Variants in SYNE2 observed in about 807,000 individuals in gnomAD.
SYNE2 encodes the protein spectrin repeat containing nuclear envelope protein 2, also known as nesprin-2.
A neutral mutation model predicts 856.3 loss-of-function variants in SYNE2; 431 were observed. The observed-to-expected ratio is 0.50, with a 90% CI of 0.47 to 0.55. SYNE2 has a LOEUF of 0.55. SYNE2 is among the 20% of genes least tolerant of loss of function. The pLI is 0.00. For missense variants in SYNE2, 8,129 were observed against 8,023.2 expected (o/e 1.01, Z -0.50); for synonymous variants, 2,923 against 2,872.3 (o/e 1.02, Z -0.56).
chr14:64,097,743 A>T (rs1353708128), intron 61 of SYNE2, among the ~76,000 whole-genome samples: 1 of 152,238 alleles, frequency 6.6e-6, no homozygotes, highest in Non-Finnish European at 1.5e-5. Flanking sequence ...AGGCTGAGGC[A>T]TCCTATAGCT....
chr14:64,004,590 A>G (rs1026618647), intron 30 of SYNE2, among the ~76,000 whole-genome samples: 9 of 151,954 alleles, frequency 5.9e-5, no homozygotes, highest in Non-Finnish European at 8.8e-5. Context: ...TTAACCTCCC[A>G]AAGTGTTGGG....
intron 96 of SYNE2, among the ~76,000 whole-genome samples, chr14:64,182,962 C>T (rs898636533): frequency 1.4e-5 from 2 of 146,888 alleles, no homozygotes; most frequent in Admixed American, 1.3e-4. Flanking sequence ...AAGGGGCGGC[C>T]GGGCAGAGGC....
At chr14:63,832,680 G>A (rs921989330) in intron 1 of SYNE2, among the ~76,000 whole-genome samples, 1 of 151,908 alleles carries the variant, frequency 6.6e-6, no homozygotes, top group Non-Finnish European at 1.5e-5. Context: ...TTTTTAATAA[G>A]CCAGAGTTTA....
At chr14:64,133,950 A>G (rs1375756066) in intron 77 of SYNE2, 119 bp from the exon 78 acceptor site, 1 of 1,223,882 alleles carries the variant, frequency 8.2e-7, no homozygotes, top group Non-Finnish European at 1.2e-6. Flanking sequence ...CACACCTGGA[A>G]TCTGTGCTTT....
intron 2 of SYNE2, among the ~76,000 whole-genome samples, chr14:63,915,297 C>T (rs185380619): frequency 2.6e-5 from 4 of 152,240 alleles, no homozygotes; most frequent in Admixed American, 1.3e-4. Context: ...TAGGTGGACT[C>T]ATCTTGAGAA....
chr14:63,763,069 G>A (rs1340535755), intron 1 of SYNE2, among the ~76,000 whole-genome samples: 1 of 152,194 alleles, frequency 6.6e-6, no homozygotes, highest in African/African-American at 2.4e-5. Context: ...CCAGGTTCAA[G>A]AAATTCTCCT....
chr14:63,899,120 C>G (rs951883642), intron 1 of SYNE2, among the ~76,000 whole-genome samples: 2 of 152,110 alleles, frequency 1.3e-5, no homozygotes, highest in African/African-American at 4.8e-5. Flanking sequence ...TGGAATCAGA[C>G]AGCATTTGTG....
chr14:63,843,790 T>A (rs1595166553), intron 1 of SYNE2, among the ~76,000 whole-genome samples: 1 of 152,244 alleles, frequency 6.6e-6, no homozygotes, highest in East Asian at 1.9e-4. Flanking sequence ...TATTAATGGT[T>A]TTCTTAATAG....
chr14:64,113,193 G>T (rs1222289145), intron 65 of SYNE2, 148 bp from the exon 66 acceptor site: 2 of 1,504,278 alleles, frequency 1.3e-6, no homozygotes. Flanking sequence ...GTTGCTATGA[G>T]TGTGGAGGTG....
At chr14:63,899,659 G>A (rs2095309263) in intron 1 of SYNE2, among the ~76,000 whole-genome samples, 1 of 152,084 alleles carries the variant, frequency 6.6e-6, no homozygotes, top group Non-Finnish European at 1.5e-5. Flanking sequence ...ACACCACCAT[G>A]CCTAGCTAAT....
At chr14:64,082,034 C>T (rs1040809392) in intron 57 of SYNE2, among the ~76,000 whole-genome samples, 3 of 151,560 alleles carry the variant, frequency 2.0e-5, no homozygotes, top group East Asian at 1.9e-4. Flanking sequence ...TGCAGTGAGC[C>T]GAGATCGCAC....
intron 8 of SYNE2, chr14:63,960,730 T>C (rs2096300980): frequency 1.3e-6 from 1 of 763,668 alleles, no homozygotes; most frequent in East Asian, 2.4e-5. Context: ...CTCCTTCACT[T>C]ATTAGATGCC....
At chr14:63,950,082 C>G in intron 7 of SYNE2, 76 bp downstream of exon 7, 2 of 1,464,214 alleles carry the variant, frequency 1.4e-6, no homozygotes, top group South Asian at 1.1e-5. Context: ...ACCCAAACAC[C>G]TCCCTCACTT....
At chr14:64,064,044 A>G (rs533198102) in intron 50 of SYNE2, among the ~76,000 whole-genome samples, 1 of 152,324 alleles carries the variant, frequency 6.6e-6, no homozygotes, top group South Asian at 2.1e-4. Context: ...CTTTCTCTCA[A>G]AATATGTCAT....
chr14:63,942,737 C>T (rs537417291), intron 6 of SYNE2, among the ~76,000 whole-genome samples: 19 of 152,024 alleles, frequency 1.2e-4, no homozygotes, highest in Non-Finnish European at 2.2e-4. Context: ...TCAGGTGATC[C>T]GTCCACCTCT....
At chr14:63,901,587 T>G (rs2095337564) in intron 1 of SYNE2, among the ~76,000 whole-genome samples, 1 of 152,206 alleles carries the variant, frequency 6.6e-6, no homozygotes. Flanking sequence ...GAGGTTTTAA[T>G]TGACACCACA....
chr14:64,130,231 C>T lies in SYNE2; in HGVS notation c.14323C>T (p.Gln4775Ter), dbSNP rs1215590205. ...QTKSKVALQA[Q>*]IENHKVFFQK... ...CAAAAGTAAAGTGGCGTTACAGGCT[C>T]AAATAGAAAATCACAAGGTGAGACA... Residue 4775 changes from glutamine (Q) to a stop codon, truncating the protein, a stop_gained, in exon 76 of 116, where the codon CAA becomes TAA. Transcript: ENST00000555002. LOFTEE classifies it high-confidence loss of function. 6.2e-7 allele frequency: 1 copy of T among 1,612,682 alleles called. No homozygotes were observed. Among genetic ancestry groups the T allele is most frequent in the East Asian group, 2.2e-5 (1 of 44,752 alleles).
In SYNE2 at chr14:64,080,583, A is replaced by G. The variant is rs1251632649; in HGVS notation, c.11291A>G (p.Gln3764Arg). 1 of 1,614,210 alleles carries G rather than the reference A, an allele frequency of 6.2e-7. No homozygotes were observed. The highest frequency in any genetic ancestry group is 1.6e-4 in the Middle Eastern group (1 of 6,062). ...EWMDNLMIPFQQYQQVSQRAE... is the reference protein window; with the variant it reads ...EWMDNLMIPFRQYQQVSQRAE... ...ATGGATAACTTGATGATTCCTTTCC[A>G]GCAGTATCAGCAAGTATCACAGAGA... Residue 3764 changes from glutamine to arginine, a missense_variant, in exon 56 of 116, where the codon CAG (glutamine) becomes CGG (arginine). Coordinates refer to ENST00000555002, the MANE Select transcript of SYNE2 (RefSeq NM_182914.3).
rs564545625 is a variant in SYNE2 at position 64,224,741 on chromosome 14, TTA to T, written c.20469+197_20469+198del. 2.4e-4 allele frequency among the ~76,000 whole-genome samples: 36 copies of T among 152,266 alleles called. No homozygotes were observed. In the South Asian group the frequency reaches 4.1e-3, roughly 18 times the overall value. On this transcript the variant is annotated intron_variant, in intron 114 of 115. Transcript: ENST00000555002. ...CACAGTAGGTTGTGAATGAGAGCTCTTATAGTGTCGCTAAAGGGGTTCCCTGA... is the reference window on the plus strand; with the variant it reads ...CACAGTAGGTTGTGAATGAGAGCTCTTAGTGTCGCTAAAGGGGTTCCCTGA...
Sources: allele counts gnomAD v4.1 joint callset (sites outside exome capture counted in the v4.1 genomes callset), GRCh38; gene constraint gnomAD v4.1.1; transcripts MANE v1.5; gene names NCBI Gene and HGNC (gene_info 2026-07-23, HGNC 2026-07-21).